Variants in GIN1 observed in about 807,000 individuals in gnomAD.
The protein encoded by GIN1 is gypsy retrotransposon integrase-like protein 1.
Under a neutral mutation model 51.4 loss-of-function variants are expected in GIN1, and 41 were observed. That is an observed-to-expected ratio of 0.80 (90% CI 0.62 to 1.04). GIN1 has a LOEUF of 1.04. Among genes scored for constraint, GIN1 ranks in the 50% least tolerant of loss-of-function variants. The pLI is 0.00. For synonymous variants in GIN1, 222 were observed against 206.5 expected (o/e 1.07, Z -0.64); for missense variants, 610 against 612.4 (o/e 1.00, Z 0.04).
chr5:103,099,007 TC>T (rs1165110365), intron 4 of GIN1, among the ~76,000 whole-genome samples: 5 of 152,174 alleles, frequency 3.3e-5, no homozygotes, highest in African/African-American at 4.8e-5. Context: ...ACTTTTTTTT[TC>T]CTTATTATTT....
Position 103,096,689 on chromosome 5 carries a change from AC to A in GIN1, c.1145del (p.Arg382LeufsTer12). 6.2e-7 allele frequency: 1 copy of A among 1,614,110 alleles called. No homozygotes were observed. Among genetic ancestry groups the A allele is most frequent in the African/African-American group, 1.3e-5 (1 of 75,050 alleles). ...AAGGACCAACCCATTCAGACTGAAA[AC>A]GACCATCCTTCCACCAATTTTTCCT... The part of the protein sequence containing the change: ...RQRKNWWKDG[R>X]FQSEWVGPCV... On this transcript the variant is annotated frameshift_variant, in exon 7 of 8. Coordinates refer to ENST00000399004, the MANE Select transcript of GIN1 (RefSeq NM_017676.2). LOFTEE classifies it high-confidence loss of function.
chr5:103,102,441 A>G (rs551686745), intron 4 of GIN1: 3 of 152,330 alleles, frequency 2.0e-5, no homozygotes, highest in East Asian at 3.9e-4. Flanking sequence ...TGATGACATC[A>G]TATCTTTACA....
chr5:103,115,126 C>T (rs1055384247), intron 1 of GIN1, among the ~76,000 whole-genome samples: 2 of 152,134 alleles, frequency 1.3e-5, no homozygotes, highest in Non-Finnish European at 2.9e-5. Flanking sequence ...GACTGAGTAA[C>T]TGCTATGTGC....
intron 7 of GIN1, 76 bp downstream of exon 7, chr5:103,096,465 G>A (rs377378151): frequency 9.4e-6 from 10 of 1,063,410 alleles, no homozygotes; most frequent in Non-Finnish European, 1.4e-5. Flanking sequence ...CAAAAGAGGG[G>A]AGAAAGGTTT....
chr5:103,088,895 A>G (rs1325026168), intron 7 of GIN1, among the ~76,000 whole-genome samples: 2 of 152,224 alleles, frequency 1.3e-5, no homozygotes, highest in African/African-American at 4.8e-5. Context: ...ATTTTAACAA[A>G]TAGAATTATT....
chr5:103,119,313 C>T (rs1788259845), intron 1 of GIN1, among the ~76,000 whole-genome samples: 1 of 152,134 alleles, frequency 6.6e-6, no homozygotes, highest in Admixed American at 6.5e-5. Context: ...TTGAATTATT[C>T]TATTTTAAGC....
chr5:103,090,898 CG>C (rs1562324258), intron 7 of GIN1, among the ~76,000 whole-genome samples: 2 of 139,386 alleles, frequency 1.4e-5, no homozygotes, highest in Non-Finnish European at 3.2e-5. Context: ...AAGTCACACA[CG>C]AACACACACA....
chr5:103,099,950 C>G (rs1310928278), intron 4 of GIN1, among the ~76,000 whole-genome samples: 2 of 152,106 alleles, frequency 1.3e-5, no homozygotes. Context: ...CAAAAGAGTT[C>G]ATTTTGTACT....
At chr5:103,098,465 TTTAA>T (rs1787471129) in intron 4 of GIN1, among the ~76,000 whole-genome samples, 1 of 151,920 alleles carries the variant, frequency 6.6e-6, no homozygotes, top group African/African-American at 2.4e-5. Flanking sequence ...TAACTTTGAG[TTTAA>T]TTTTTTTCTT....
intron 7 of GIN1, among the ~76,000 whole-genome samples, chr5:103,094,528 G>A (rs557997177): frequency 7.2e-5 from 11 of 152,284 alleles, no homozygotes; most frequent in African/African-American, 2.4e-4. Context: ...CAGAGAAGAT[G>A]AGTTCTGAAA....
rs1554194066 is a variant in GIN1 at position 103,087,889 on chromosome 5, T to C, written c.*9A>G. Reference sequence around the variant, plus strand: ...CTAAACAAACAATTTAAATAAATTTTGGTATTTACTAACTTAAGTATTCAA... The same window carrying C: ...CTAAACAAACAATTTAAATAAATTTCGGTATTTACTAACTTAAGTATTCAA... On this transcript the variant is annotated 3_prime_UTR_variant, in exon 8 of 8. Transcript: ENST00000399004. The C allele has an allele frequency of 8.4e-7, 1 of 1,196,346 alleles. No homozygotes were observed. The highest frequency in any genetic ancestry group is 2.5e-5 in the East Asian group (1 of 40,758). The allele number at this position is 1,196,346 out of a possible 1,614,324, so 74.1% of individuals were successfully genotyped here.
Position 103,108,668 on chromosome 5 carries a change from G to A in GIN1, c.40C>T (p.Gln14Ter). 1 of 1,603,666 alleles carries A rather than the reference G, an allele frequency of 6.2e-7. No homozygotes were observed. Among genetic ancestry groups the A allele is most frequent in the Non-Finnish European group, 8.5e-7 (1 of 1,171,914 alleles). The change falls in exon 2 of 8, where the codon CAG (glutamine) becomes TAG (stop). Residue 14 changes from glutamine (Q) to a stop codon, truncating the protein, a stop_gained. Transcript: ENST00000399004. LOFTEE classifies it high-confidence loss of function. ...CCAGTTCGTTTGTAATATGCAATCT[G>A]TTTAAGATGAAGGTCACCATTTTTT... The part of the protein sequence containing the change: ...SGKNGDLHLK[Q>*]IAYYKRTGEY...
At chr5:103,104,372 C>T (rs1432618260) in intron 4 of GIN1, among the ~76,000 whole-genome samples, 169 bp downstream of exon 4, 1 of 152,150 alleles carries the variant, frequency 6.6e-6, no homozygotes, top group Non-Finnish European at 1.5e-5. Context: ...TCCTAATCTC[C>T]TAATTTCCAG....
At position 103,087,036 on chromosome 5, in the gene GIN1, G is replaced by A. The variant is rs1554193951; in HGVS notation, c.*862C>T. ...CGCCCAGGCTGGAGAGCTGTGGCAT[G>A]AGCGCGGCTCACTGCAGCCTCGACC... On this transcript the variant is annotated 3_prime_UTR_variant, in exon 8 of 8. Coordinates refer to ENST00000399004, the MANE Select transcript of GIN1 (RefSeq NM_017676.2). 1.3e-5 allele frequency: 2 copies of A among 152,258 alleles called. No individual in the cohort carries two copies. The highest frequency in any genetic ancestry group is 2.4e-5 in the African/African-American group (1 of 41,468). The allele number at this position is 152,258 out of a possible 1,614,324, so 9.4% of individuals were successfully genotyped here.
chr5:103,105,452 G>A (rs1787697805), intron 3 of GIN1, among the ~76,000 whole-genome samples: 1 of 151,994 alleles, frequency 6.6e-6, no homozygotes, highest in African/African-American at 2.4e-5. Flanking sequence ...TACATAAAAT[G>A]TTTCCTTCTA....
chr5:103,098,346 G>C (rs1787467489), intron 4 of GIN1, among the ~76,000 whole-genome samples: 1 of 151,628 alleles, frequency 6.6e-6, no homozygotes. Flanking sequence ...ACAAGTTTTT[G>C]AGGTATTATT....
chr5:103,102,179 A>G (rs1787593788), intron 4 of GIN1: 1 of 152,224 alleles, frequency 6.6e-6, no homozygotes, highest in Non-Finnish European at 1.5e-5. Context: ...CTTTTAATTT[A>G]CCTGAAAATA....
intron 4 of GIN1, among the ~76,000 whole-genome samples, 186 bp downstream of exon 4, chr5:103,104,355 A>T (rs1215392720): frequency 1.3e-5 from 2 of 152,220 alleles, no homozygotes; most frequent in African/African-American, 4.8e-5. Flanking sequence ...CACAGTAAGT[A>T]TTAAAATCCT....
intron 1 of GIN1, among the ~76,000 whole-genome samples, chr5:103,109,732 T>C (rs560828808): frequency 3.3e-5 from 5 of 152,228 alleles, no homozygotes; most frequent in Middle Eastern, 6.8e-3. Context: ...GATTATTAAA[T>C]ACATGATTTT....
Sources: gnomAD v4.1 joint callset for allele counts (sites outside exome capture counted in the v4.1 genomes callset) on GRCh38, gnomAD v4.1.1 for gene constraint, MANE v1.5 for transcripts, NCBI Gene and HGNC (gene_info 2026-07-23, HGNC 2026-07-21) for gene names.